The following SLCO5A1 variants were observed in gnomAD, a reference collection of about 807,000 sequenced individuals.
The protein encoded by SLCO5A1 is solute carrier organic anion transporter family member 5A1.
In SLCO5A1, 39 loss-of-function variants were observed where a neutral mutation model predicts 65.1. That is an observed-to-expected ratio of 0.60 (90% confidence interval 0.46 to 0.78). The LOEUF is 0.78. Among genes scored for constraint, SLCO5A1 ranks in the 30% least tolerant of loss-of-function variants. SLCO5A1 has a pLI of 0.00. For synonymous variants in SLCO5A1, 438 were observed against 415.7 expected, an observed-to-expected ratio of 1.05 and a Z score of -0.65; for missense variants, 1,029 against 1,069.4, an observed-to-expected ratio of 0.96 and a Z score of 0.53.
At chr8:69,728,854 A>G (rs1005433495) in intron 5 of SLCO5A1, among the ~76,000 whole-genome samples, 1 of 152,218 alleles carries the variant, frequency 6.6e-6, no homozygotes, top group African/African-American at 2.4e-5. Context: ...GTATAATCTC[A>G]TGACTTTTTT....
rs558749592 is a variant in SLCO5A1, at chr8:69,731,922, C to T, written c.1423+6118G>A. 8.0e-4 allele frequency among the ~76,000 whole-genome samples: 122 copies of T among 152,312 alleles called. 1 individual carries two copies. The highest frequency in any genetic ancestry group is 2.9e-3 in the African/African-American group (121 of 41,566). ...ATAGTGGACATCTACACCTAAAACA[C>T]TTAGATTTGTATTTAAATGCTTAAT... On this transcript the variant is annotated intron_variant, in intron 5 of 9. Coordinates refer to ENST00000260126, the MANE Select transcript of SLCO5A1 (RefSeq NM_030958.3).
In SLCO5A1 at chr8:69,710,088, G is replaced by A. The variant is rs564046066; in HGVS notation, c.1424-4859C>T. 1.2e-4 allele frequency among the ~76,000 whole-genome samples: 17 copies of A among 147,578 alleles called. No individual in the cohort carries two copies. In the South Asian group the frequency reaches 1.5e-3, roughly 13 times the overall value. ...GGCTAGAGTGCAGTGGTGTGAGCTC[G>A]GCTCACAGAAACCTCCGCCTCCCAG... is the stretch of plus-strand genomic sequence containing the variant. On this transcript the variant is annotated intron_variant, in intron 5 of 9. Coordinates refer to ENST00000260126, the MANE Select transcript of SLCO5A1 (RefSeq NM_030958.3).
rs1821182485 is a variant in SLCO5A1 at position 69,832,129 on chromosome 8, A to G, written c.545T>C (p.Val182Ala). ...SCFDIGNLVV[V>A]VFVSYFGGRG... ...GCCGCCGAAGTAGCTGACGAACACC[A>G]CCACCACCAGGTTCCCGATGTCAAA... is the stretch of plus-strand genomic sequence containing the variant. The change falls in exon 2 of 10, where the codon GTG becomes GCG. Residue 182 changes from valine (V) to alanine (A), a missense_variant. By Grantham distance (64) the Val-to-Ala change is moderately conservative (BLOSUM62 0). Around this residue, in one of 3 missense-constraint regions of SLCO5A1, gnomAD observed 647 missense variants for 647.5 expected, o/e 1.00. Transcript: ENST00000260126. The surrounding 1 kb of genome is among the most constrained non-coding windows in gnomAD (Gnocchi z 4.5). 6.2e-7 allele frequency: 1 copy of G among 1,613,984 alleles called. No homozygotes were observed. Among genetic ancestry groups the G allele is most frequent in the Non-Finnish European group, 8.5e-7 (1 of 1,180,020 alleles).
In SLCO5A1 at chr8:69,738,013, C is replaced by T. The variant is rs764482678; in HGVS notation, c.1423+27G>A. On this transcript the variant is annotated intron_variant, in intron 5 of 9. Transcript: ENST00000260126. The stretch of plus-strand genomic sequence containing the variant: ...TTCATGGTCAAAATGATCATGTTTT[C>T]AAGCAGCCCTAGCGGCAGTGCCTTA... 14 of 1,595,866 alleles carry T rather than the reference C, an allele frequency of 8.8e-6. No individual in the cohort carries two copies. In the East Asian group the frequency reaches 3.2e-4, roughly 36 times the overall value.
intron 6 of SLCO5A1, among the ~76,000 whole-genome samples, chr8:69,685,584 C>T (rs1813968392): frequency 6.6e-6 from 1 of 152,150 alleles, no homozygotes; most frequent in Non-Finnish European, 1.5e-5. Context: ...GATAGCAATA[C>T]CTTATAACTG....
intron 6 of SLCO5A1, among the ~76,000 whole-genome samples, chr8:69,686,062 C>G (rs973521094): frequency 1.4e-5 from 2 of 142,858 alleles, no homozygotes; most frequent in African/African-American, 6.1e-5. Context: ...TCTAAACATA[C>G]TTCTACTACA....
intron 2 of SLCO5A1, among the ~76,000 whole-genome samples, chr8:69,812,091 G>A (rs887443463): frequency 3.3e-5 from 5 of 152,158 alleles, no homozygotes; most frequent in African/African-American, 9.7e-5. Flanking sequence ...CAGAGTTGTC[G>A]AGTAACTTGC....
At chr8:69,674,975 G>T (rs1260193992) in intron 9 of SLCO5A1, among the ~76,000 whole-genome samples, 7 of 151,492 alleles carry the variant, frequency 4.6e-5, no homozygotes, top group African/African-American at 1.7e-4. Context: ...TAGAGGCAGA[G>T]GTTGCAGAGA....
At chr8:69,702,506 C>A (rs1364557182) in intron 6 of SLCO5A1, among the ~76,000 whole-genome samples, 3 of 106,396 alleles carry the variant, frequency 2.8e-5, no homozygotes, top group African/African-American at 1.0e-4. Context: ...ACACATCTTA[C>A]ACACACACAC....
At chr8:69,762,328 A>T (rs1226402970) in intron 2 of SLCO5A1, among the ~76,000 whole-genome samples, 4 of 152,054 alleles carry the variant, frequency 2.6e-5, no homozygotes, top group African/African-American at 7.2e-5. Flanking sequence ...CTGCGACTAC[A>T]GGCGCCCGCC....
chr8:69,676,584 T>A (rs1418556468), intron 9 of SLCO5A1, 25 bp downstream of exon 9: 1 of 1,605,468 alleles, frequency 6.2e-7, no homozygotes, highest in African/African-American at 1.3e-5. Flanking sequence ...AACTAAGAGG[T>A]ACACTTGGAA....
In SLCO5A1 at chr8:69,832,014, G is replaced by C. The variant is rs375446885; in HGVS notation, c.660C>G (p.Pro220=). 1 of 1,602,594 alleles carries C rather than the reference G, an allele frequency of 6.2e-7. No homozygotes were observed. Among genetic ancestry groups the C allele is most frequent in the African/African-American group, 1.3e-5 (1 of 74,746 alleles). Reference sequence around the variant, plus strand: ...CGTTCAACTCTTGGATCTGGTAGGGGGGCGAGATGAAGTGAGGTAAGGCGA... The same window carrying C: ...CGTTCAACTCTTGGATCTGGTAGGGCGGCGAGATGAAGTGAGGTAAGGCGA... ...ALFALPHFIS[P]PYQIQELNAS... Residue 220 remains proline (P), a synonymous_variant, in exon 2 of 10, where the codon CCC becomes CCG. Coordinates refer to ENST00000260126, the MANE Select transcript of SLCO5A1 (RefSeq NM_030958.3). This position sits in a 1 kb window ranked among gnomAD's most constrained non-coding sequence, Gnocchi z 4.5.
intron 2 of SLCO5A1, chr8:69,794,249 TC>T: frequency 2.1e-6 from 1 of 473,744 alleles, no homozygotes; most frequent in Non-Finnish European, 4.2e-6. Context: ...GTCAAAAGCT[TC>T]CACCAGAATG....
At position 69,670,458 on chromosome 8, in the gene SLCO5A1, C is replaced by T. The variant is rs966282526; in HGVS notation, c.*2411G>A. ...CTTTATTTTCTCATGATTTTTACTA[C>T]TTAGTCTACATTCACCAACAACACA... On this transcript the variant is annotated 3_prime_UTR_variant, in exon 10 of 10. Coordinates refer to ENST00000260126, the MANE Select transcript of SLCO5A1 (RefSeq NM_030958.3). The T allele has an allele frequency of 1.3e-5, 2 of 152,150 alleles. No homozygotes were observed. The highest frequency in any genetic ancestry group is 3.8e-4 in the East Asian group (2 of 5,196). 9.4% of individuals were successfully genotyped at this position (152,150 alleles called of 1,614,324 possible).
chr8:69,717,781 A>G (rs1289238965), intron 5 of SLCO5A1, among the ~76,000 whole-genome samples: 2 of 152,212 alleles, frequency 1.3e-5, no homozygotes, highest in Non-Finnish European at 2.9e-5. Context: ...TTTAACATTT[A>G]ATTTTTTAAT....
At chr8:69,814,818 T>TA (rs112814283) in intron 2 of SLCO5A1, among the ~76,000 whole-genome samples, 5,823 of 151,992 alleles carry the variant, frequency 0.038, 345 homozygotes, top group African/African-American at 0.13. Context: ...TATTCCACCT[T>TA]AAAAAAAAGA....
intron 5 of SLCO5A1, among the ~76,000 whole-genome samples, chr8:69,725,519 G>A (rs1171465324): frequency 6.6e-6 from 1 of 151,938 alleles, no homozygotes; most frequent in Non-Finnish European, 1.5e-5. Flanking sequence ...TTAACTGCCA[G>A]GAAAAGGTAT....
At chr8:69,681,237 C>T (rs1275298254) in intron 7 of SLCO5A1, among the ~76,000 whole-genome samples, 2 of 152,176 alleles carry the variant, frequency 1.3e-5, no homozygotes, top group Admixed American at 6.5e-5. Flanking sequence ...GCATTTTAAC[C>T]TTTTAGTGAA....
intron 5 of SLCO5A1, among the ~76,000 whole-genome samples, chr8:69,722,694 A>G (rs1815878378): frequency 6.6e-6 from 1 of 151,148 alleles, no homozygotes; most frequent in African/African-American, 2.4e-5. Flanking sequence ...ACTCTTACTC[A>G]TTTTTTCAGT....
Sources: gnomAD v4.1 joint callset for allele counts (sites outside exome capture counted in the v4.1 genomes callset) on GRCh38, gnomAD v4.1.1 for gene constraint, gnomAD v4.1.1 regional missense constraint, Gnocchi (gnomAD v3.1) non-coding constraint, MANE v1.5 for transcripts, NCBI Gene and HGNC (gene_info 2026-07-23, HGNC 2026-07-21) for gene names.